Variants in BBS1 observed in about 807,000 individuals in gnomAD.
The protein encoded by BBS1 is BBSome complex member BBS1.
In BBS1, 60 loss-of-function variants were observed where a neutral mutation model predicts 73.9. The observed-to-expected ratio is 0.81, with a 90% CI of 0.66 to 1.01. The LOEUF is 1.01. Among genes scored for constraint, BBS1 ranks in the 50% least tolerant of loss-of-function variants. The pLI is 0.00. For synonymous variants in BBS1, 283 were observed against 317.4 expected (o/e 0.89, Z 1.15); for missense variants, 718 against 770.3 (o/e 0.93, Z 0.80).
At chr11:66,526,596 A>T in intron 12 of BBS1, 53 bp from the exon 13 acceptor site, 1 of 1,611,186 alleles carries the variant, frequency 6.2e-7, no homozygotes, top group Non-Finnish European at 8.5e-7. Context: ...AAAGAATGGG[A>T]ATGTGGGTAG....
At position 66,515,923 on chromosome 11, in the gene BBS1, T is replaced by G; in HGVS notation, c.581T>G (p.Ile194Ser). ...GTAAACCAACACAAGTCCAACTCCA[T>G]CAAGCGGCAGGTAATACCCCCTTCT... ...AFVNQHKSNSIKRQTVITTMT... is the reference protein window; with the variant it reads ...AFVNQHKSNSSKRQTVITTMT... Residue 194 changes from isoleucine (I) to serine (S), a missense_variant, in exon 7 of 17, where the codon ATC becomes AGC. Coordinates refer to ENST00000318312, the MANE Select transcript of BBS1 (RefSeq NM_024649.5). 6.2e-7 allele frequency: 1 copy of G among 1,614,180 alleles called. No individual in the cohort carries two copies. The highest frequency in any genetic ancestry group is 8.5e-7 in the Non-Finnish European group (1 of 1,180,040).
In BBS1 at chr11:66,515,679, CCCTTT is replaced by C; in HGVS notation, c.480-9_480-5del. The stretch of plus-strand genomic sequence containing the variant: ...TCTTCCATTCGGCTGCCATGCTGGC[CCCTTT>C]CCTTGCAGGGAGACGGCAGAGGAGC... On this transcript the variant is annotated splice_polypyrimidine_tract_variant and intron_variant, in intron 5 of 16. Coordinates refer to ENST00000318312, the MANE Select transcript of BBS1 (RefSeq NM_024649.5). 1 of 1,614,214 alleles carries C rather than the reference CCCTTT, an allele frequency of 6.2e-7. No homozygotes were observed. Among genetic ancestry groups the C allele is most frequent in the Non-Finnish European group, 8.5e-7 (1 of 1,180,048 alleles).
Position 66,511,313 on chromosome 11 carries a change from A to G in BBS1, c.159+74A>G, listed in dbSNP as rs1046348073. 4.9e-5 allele frequency: 76 copies of G among 1,550,116 alleles called. No individual in the cohort carries two copies. The African/African-American group carries it at 9.4e-4, about 19-fold the overall frequency. On this transcript the variant is annotated intron_variant, in intron 3 of 16. Coordinates refer to ENST00000318312, the MANE Select transcript of BBS1 (RefSeq NM_024649.5). ...CAGAAATGAGATTTCCTGACGGCTGAAAATAGGCCCAGCATACTCTGGAAT... is the reference window on the plus strand; with the variant it reads ...CAGAAATGAGATTTCCTGACGGCTGGAAATAGGCCCAGCATACTCTGGAAT...
chr11:66,510,740 ACC>A lies in BBS1; in HGVS notation c.47+36_47+37del, dbSNP rs762262925. ...AGGGCTCCTCAAGGCCTCTTTTCCC[ACC>A]CGTGTAAAGAGGGTCCCTTGGTCCC... On this transcript the variant is annotated intron_variant, in intron 1 of 16. Transcript: ENST00000318312. The A allele has an allele frequency of 1.1e-5, 18 of 1,612,514 alleles. No individual in the cohort carries two copies. The South Asian group carries it at 1.9e-4, about 17-fold the overall frequency.
At chr11:66,525,214 A>T (rs1304443585) in intron 11 of BBS1, among the ~76,000 whole-genome samples, 4 of 147,356 alleles carry the variant, frequency 2.7e-5, no homozygotes, top group African/African-American at 1.0e-4. Context: ...AAAAAAAAAA[A>T]GCCGGGTGTG....
At chr11:66,510,747 T>G (rs1855922360) in intron 1 of BBS1, 41 bp downstream of exon 1, 5 of 1,612,332 alleles carry the variant, frequency 3.1e-6, no homozygotes, top group Non-Finnish European at 4.2e-6. Flanking sequence ...CCCACCCGTG[T>G]AAAGAGGGTC....
Position 66,515,855 on chromosome 11 carries a change from G to A in BBS1, c.519-6G>A. 3 of 1,614,232 alleles carry A rather than the reference G, an allele frequency of 1.9e-6. No homozygotes were observed. Among genetic ancestry groups the A allele is most frequent in the Non-Finnish European group, 2.5e-6 (3 of 1,180,040 alleles). On this transcript the variant is annotated splice_polypyrimidine_tract_variant and splice_region_variant and intron_variant, in intron 6 of 16. Coordinates refer to ENST00000318312, the MANE Select transcript of BBS1 (RefSeq NM_024649.5). The stretch of plus-strand genomic sequence containing the variant: ...GCCTGCAGATGCCAGTTCTCTGTGT[G>A]TCTAGGTTTCTGCAGCTGGAGCTAA...
Position 66,514,540 on chromosome 11 carries a change from G to C in BBS1, c.294G>C (p.Glu98Asp). 1.9e-6 allele frequency: 3 copies of C among 1,614,134 alleles called. No individual in the cohort carries two copies. Among genetic ancestry groups the C allele is most frequent in the Non-Finnish European group, 2.5e-6 (3 of 1,180,040 alleles). ...AAATFLMEQH[E>D]PRTPALALAS... is the part of the protein sequence containing the mutation. ...CCACCTTCCTCATGGAGCAACATGA[G>C]CCCCGGACCCCAGCTCTGGCACTTG... Residue 98 changes from glutamate (E) to aspartate (D), a missense_variant, in exon 4 of 17, where the codon GAG becomes GAC. Coordinates refer to ENST00000318312, the MANE Select transcript of BBS1 (RefSeq NM_024649.5).
intron 12 of BBS1, 82 bp downstream of exon 12, chr11:66,526,274 G>A: frequency 7.2e-7 from 1 of 1,395,714 alleles, no homozygotes; most frequent in South Asian, 1.2e-5. Context: ...GGAGGAGGTG[G>A]AAATGAAGCA....
At chr11:66,521,399 G>A in intron 9 of BBS1, 23 bp downstream of exon 9, 1 of 1,588,216 alleles carries the variant, frequency 6.3e-7, no homozygotes, top group Non-Finnish European at 8.6e-7. Context: ...GTGGTCTCCG[G>A]GGCCGGGAGG....
Position 66,523,742 on chromosome 11 carries a change from G to T in BBS1, c.970G>T (p.Val324Leu). The T allele has an allele frequency of 6.2e-7, 1 of 1,611,996 alleles. No homozygotes were observed. The stretch of plus-strand genomic sequence containing the variant: ...CTGCCAGGGGAAGAAGCTGTGGACA[G>T]TGCAGATGCCCGCAGCCATCCTGAC... ...FTHKGKKLWT[V>L]QMPAAILTMN... The change falls in exon 11 of 17, where the codon GTG becomes TTG. Residue 324 changes from valine to leucine, a missense_variant. Coordinates refer to ENST00000318312, the MANE Select transcript of BBS1 (RefSeq NM_024649.5).
intron 7 of BBS1, among the ~76,000 whole-genome samples, chr11:66,516,283 A>G (rs1369434663): frequency 6.6e-6 from 1 of 151,436 alleles, no homozygotes; most frequent in Non-Finnish European, 1.5e-5. Flanking sequence ...GCACCAACAC[A>G]CCCAGCTAAT....
chr11:66,523,391 G>T, intron 9 of BBS1, 65 bp from the exon 10 acceptor site: 5 of 1,612,768 alleles, frequency 3.1e-6, no homozygotes, highest in Non-Finnish European at 4.2e-6. Context: ...TTAGACAGAG[G>T]AGGGTCAGCC....
chr11:66,516,171 G>A (rs1856046218), intron 7 of BBS1, among the ~76,000 whole-genome samples: 1 of 144,924 alleles, frequency 6.9e-6, no homozygotes, highest in South Asian at 2.2e-4. Flanking sequence ...TGTCACCCAG[G>A]CTGGAGTACA....
chr11:66,512,935 G>A (rs976201386), intron 3 of BBS1, among the ~76,000 whole-genome samples: 1 of 151,756 alleles, frequency 6.6e-6, no homozygotes, highest in Non-Finnish European at 1.5e-5. Context: ...TCACGCCATC[G>A]CACTTCAGCC....
At chr11:66,523,199 G>T in intron 9 of BBS1, 1 of 611,354 alleles carries the variant, frequency 1.6e-6, no homozygotes. Flanking sequence ...CATAGTGAAG[G>T]TGGGCGGAAG....
Position 66,532,056 on chromosome 11 carries a change from A to G in BBS1, c.*19A>G. 1 of 1,588,746 alleles carries G rather than the reference A, an allele frequency of 6.3e-7. No individual in the cohort carries two copies. Among genetic ancestry groups the G allele is most frequent in the Non-Finnish European group, 8.6e-7 (1 of 1,168,782 alleles). ...CGCCTGAGACCTGAGCTGCTGTGAA[A>G]GCCCCTGCACAATCAGCCAGGGAGA... is the stretch of plus-strand genomic sequence containing the variant. On this transcript the variant is annotated 3_prime_UTR_variant, in exon 17 of 17. Coordinates refer to ENST00000318312, the MANE Select transcript of BBS1 (RefSeq NM_024649.5).
chr11:66,510,772 C>T (rs1590753689), intron 1 of BBS1, 66 bp downstream of exon 1: 1 of 1,598,182 alleles, frequency 6.3e-7, no homozygotes, highest in Non-Finnish European at 8.6e-7. Flanking sequence ...GGTCCCCGGG[C>T]TCTGGGCTCC....
chr11:66,526,731 G>A lies in BBS1; in HGVS notation c.1263G>A (p.Gln421=). The A allele has an allele frequency of 1.2e-6, 2 of 1,614,228 alleles. No homozygotes were observed. The highest frequency in any genetic ancestry group is 2.2e-5 in the East Asian group (1 of 44,884). The part of the protein sequence containing the change: ...GGSEVGPPPA[Q]AMKLNVPRKT... ...GTGAGGTGGGTCCCCCACCAGCCCAGGCCATGAAACTCAATGTGCCCCGAA... is the reference window on the plus strand; with the variant it reads ...GTGAGGTGGGTCCCCCACCAGCCCAAGCCATGAAACTCAATGTGCCCCGAA... Residue 421 remains glutamine, a synonymous_variant, in exon 13 of 17, where the codon CAG becomes CAA. Transcript: ENST00000318312.
Sources: gnomAD v4.1 joint callset for allele counts (sites outside exome capture counted in the v4.1 genomes callset) on GRCh38, gnomAD v4.1.1 for gene constraint, MANE v1.5 for transcripts, NCBI Gene and HGNC (gene_info 2026-07-23, HGNC 2026-07-21) for gene names.